FUT9: variants seen among roughly 807,000 people sequenced by gnomAD.
The protein encoded by FUT9 is fucosyltransferase 9.
In FUT9, 15 loss-of-function variants were observed where a neutral mutation model predicts 29.7. The observed-to-expected ratio is 0.51, with a 90% CI of 0.34 to 0.78. The LOEUF (loss-of-function observed/expected upper bound fraction) is 0.78, where lower values mean the gene tolerates loss of function less well. Among genes scored for constraint, FUT9 ranks in the 30% least tolerant of loss-of-function variants. The pLI is 0.01. For missense variants in FUT9, 319 were observed against 425.4 expected (o/e 0.75, Z 2.20); for synonymous variants, 169 against 153.7 (o/e 1.10, Z -0.74).
intron 2 of FUT9, among the ~76,000 whole-genome samples, chr6:96,182,056 T>G (rs1364233139): frequency 6.6e-6 from 1 of 152,096 alleles, no homozygotes; most frequent in African/African-American, 2.4e-5. Context: ...ACTGTAGAAG[T>G]GTTTCCTGTT....
chr6:96,162,484 A>C (rs2127980364), intron 2 of FUT9, among the ~76,000 whole-genome samples: 1 of 152,254 alleles, frequency 6.6e-6, no homozygotes. Flanking sequence ...CAGCACTTAT[A>C]CTTCCCCATC....
At chr6:96,137,783 T>A (rs1191477015) in intron 2 of FUT9, among the ~76,000 whole-genome samples, 1 of 152,094 alleles carries the variant, frequency 6.6e-6, no homozygotes, top group African/African-American at 2.4e-5. Context: ...TCATTAGTTT[T>A]GATGAAAGAA....
chr6:96,146,444 G>A (rs898195756), intron 2 of FUT9, among the ~76,000 whole-genome samples: 1 of 152,172 alleles, frequency 6.6e-6, no homozygotes, highest in African/African-American at 2.4e-5. Context: ...AATAAAAAAT[G>A]TTCAAACGAC....
rs1773853418 is a variant in FUT9 at position 96,207,428 on chromosome 6, T to C, written c.*3193T>C. 1.2e-5 allele frequency: 2 copies of C among 167,072 alleles called. No individual in the cohort carries two copies. The highest frequency in any genetic ancestry group is 4.8e-5 in the African/African-American group (2 of 41,452). The allele number at this position is 167,072 out of a possible 1,614,324, so 10.3% of individuals were successfully genotyped here. On this transcript the variant is annotated 3_prime_UTR_variant, in exon 3 of 3. Coordinates refer to ENST00000302103, the MANE Select transcript of FUT9 (RefSeq NM_006581.4). ...AATGGTACACCTCATGTAGAAGAAC[T>C]TCGACTTTTGAAGGTATACAATAAA...
At chr6:96,069,099 G>C (rs148155215) in intron 1 of FUT9, among the ~76,000 whole-genome samples, 6,209 of 152,216 alleles carry the variant, frequency 0.041, 175 homozygotes, top group South Asian at 0.12. Context: ...GGCGGATCAC[G>C]AGGTCAGAAG....
Position 96,044,127 on chromosome 6 carries a change from T to G in FUT9, c.-98+27915T>G, listed in dbSNP as rs975579159. On this transcript the variant is annotated intron_variant, in intron 1 of 2. Coordinates refer to ENST00000302103, the MANE Select transcript of FUT9 (RefSeq NM_006581.4). ...ACCATAGGCATTATAACTGACAAAA[T>G]TTTTGTACATGTCCCACATTCAAAA... 3.3e-5 allele frequency among the ~76,000 whole-genome samples: 5 copies of G among 152,338 alleles called. No individual in the cohort carries two copies. The South Asian group carries it at 1.0e-3, about 32-fold the overall frequency.
chr6:96,134,665 A>G (rs920594595), intron 2 of FUT9, among the ~76,000 whole-genome samples: 2 of 151,886 alleles, frequency 1.3e-5, no homozygotes, highest in Non-Finnish European at 2.9e-5. Context: ...CCCACGAAAC[A>G]GATACATCAT....
At chr6:96,105,827 T>C (rs972576856) in intron 1 of FUT9, among the ~76,000 whole-genome samples, 1 of 152,200 alleles carries the variant, frequency 6.6e-6, no homozygotes, top group Non-Finnish European at 1.5e-5. Flanking sequence ...CATTGTTAGA[T>C]ATGGAAATTC....
intron 1 of FUT9, among the ~76,000 whole-genome samples, chr6:96,104,503 A>G (rs1771642180): frequency 6.6e-6 from 1 of 152,190 alleles, no homozygotes; most frequent in African/African-American, 2.4e-5. Flanking sequence ...TGGCAGTAGA[A>G]AACTACCCAA....
chr6:96,082,243 G>A (rs9386310), intron 1 of FUT9, among the ~76,000 whole-genome samples: 4,306 of 151,408 alleles, frequency 0.028, 73 homozygotes, highest in East Asian at 0.079. Context: ...CTTGAAGTGC[G>A]GTGATATTTT....
rs180976890 is a variant in FUT9 at position 96,215,166 on chromosome 6, C to A, written c.*10931C>A. Reference sequence around the variant, plus strand: ...GCAGCTAAGCAAATATTTTAATAAGCCATGAAAGGCAAGATGCCAGAGAAA... The same window carrying A: ...GCAGCTAAGCAAATATTTTAATAAGACATGAAAGGCAAGATGCCAGAGAAA... On this transcript the variant is annotated 3_prime_UTR_variant, in exon 3 of 3. Coordinates refer to ENST00000302103, the MANE Select transcript of FUT9 (RefSeq NM_006581.4). 6.0e-6 allele frequency: 1 copy of A among 167,000 alleles called. No individual in the cohort carries two copies. Among genetic ancestry groups the A allele is most frequent in the Admixed American group, 6.6e-5 (1 of 15,266 alleles). The allele number at this position is 167,000 out of a possible 1,614,324, so 10.3% of individuals were successfully genotyped here. A position where few individuals can be genotyped will look rare whatever the true frequency, so the allele number is the denominator to read the frequency against.
intron 1 of FUT9, among the ~76,000 whole-genome samples, chr6:96,021,876 A>T (rs1328383357): frequency 6.6e-6 from 1 of 152,064 alleles, no homozygotes; most frequent in Non-Finnish European, 1.5e-5. Context: ...TACCTGAATT[A>T]TACTATAGTA....
intron 2 of FUT9, among the ~76,000 whole-genome samples, chr6:96,200,236 A>C (rs976748752): frequency 1.3e-5 from 2 of 152,204 alleles, no homozygotes; most frequent in African/African-American, 4.8e-5. Context: ...CCCTTGTTAA[A>C]AGAAATTAAT....
At chr6:96,118,438 A>G (rs9373648) in intron 2 of FUT9, among the ~76,000 whole-genome samples, 137,742 of 152,148 alleles carry the variant, frequency 0.91, 63,588 homozygotes, top group East Asian at 1. Flanking sequence ...TTATCTCCTA[A>G]TAACTTTGTA....
intron 2 of FUT9, among the ~76,000 whole-genome samples, chr6:96,196,175 T>C (rs955347036): frequency 1.3e-5 from 2 of 152,158 alleles, no homozygotes; most frequent in Non-Finnish European, 2.9e-5. Context: ...ATAAGGGTCA[T>C]GGCCAGCAAC....
At chr6:96,063,436 T>C (rs778643912) in intron 1 of FUT9, among the ~76,000 whole-genome samples, 3 of 152,004 alleles carry the variant, frequency 2.0e-5, no homozygotes, top group Non-Finnish European at 4.4e-5. Context: ...GGGCACACTT[T>C]ACAACAATCA....
chr6:96,108,810 G>A (rs1771743017), intron 1 of FUT9, among the ~76,000 whole-genome samples: 1 of 151,846 alleles, frequency 6.6e-6, no homozygotes, highest in Admixed American at 6.6e-5. Context: ...TGTACCCGAA[G>A]CCAGACACAC....
At chr6:96,059,687 T>C (rs1274212532) in intron 1 of FUT9, among the ~76,000 whole-genome samples, 2 of 152,194 alleles carry the variant, frequency 1.3e-5, no homozygotes, top group Non-Finnish European at 1.5e-5. Flanking sequence ...AGATGACTAA[T>C]TTTTAGTGCT....
chr6:96,020,459 T>A (rs576681985), intron 1 of FUT9, among the ~76,000 whole-genome samples: 1 of 152,194 alleles, frequency 6.6e-6, no homozygotes, highest in East Asian at 1.9e-4. Flanking sequence ...ACTCAGGTGG[T>A]CAGGGAAGGT....
Sources: gnomAD v4.1 joint callset for allele counts (sites outside exome capture counted in the v4.1 genomes callset) on GRCh38, gnomAD v4.1.1 for gene constraint, MANE v1.5 for transcripts, NCBI Gene and HGNC (gene_info 2026-07-23, HGNC 2026-07-21) for gene names.